The following KRI1 variants were observed in gnomAD, a reference collection of about 807,000 sequenced individuals.
KRI1 encodes the protein KRI1 homolog, also known as protein KRI1 homolog.
Under a neutral mutation model 97.0 loss-of-function variants are expected in KRI1, and 83 were observed. The ratio of observed to expected loss-of-function variants is 0.86; its 90% CI spans 0.72 to 1.03. The LOEUF (loss-of-function observed/expected upper bound fraction) is 1.03, where lower values mean the gene tolerates loss of function less well. KRI1 is among the 50% of genes least tolerant of loss of function. The pLI is 0.00. For missense variants in KRI1, 916 were observed against 928.4 expected (o/e 0.99, Z 0.17); for synonymous variants, 371 against 363.5 (o/e 1.02, Z -0.23).
At chr19:10,564,080 A>C (rs541894993) in intron 3 of KRI1, among the ~76,000 whole-genome samples, 7 of 150,566 alleles carry the variant, frequency 4.6e-5, no homozygotes, top group Non-Finnish European at 1.0e-4. Flanking sequence ...GGGGAGGCGG[A>C]GGTTGCAGTG....
chr19:10,560,466 C>T lies in KRI1; in HGVS notation c.664-18G>A. 6.3e-7 allele frequency: 1 copy of T among 1,586,356 alleles called. No homozygotes were observed. Among genetic ancestry groups the T allele is most frequent in the Non-Finnish European group, 8.6e-7 (1 of 1,161,442 alleles). On this transcript the variant is annotated intron_variant, in intron 8 of 18. Coordinates refer to ENST00000312962, the MANE Select transcript of KRI1 (RefSeq NM_023008.5). ...AGATGCGTCTGGGGGTGACAGGAGA[C>T]AGGACTCTGGTCAATGGAGGACAGG...
At chr19:10,564,587 A>G (rs2144733852) in intron 3 of KRI1, among the ~76,000 whole-genome samples, 1 of 152,258 alleles carries the variant, frequency 6.6e-6, no homozygotes, top group South Asian at 2.1e-4. Context: ...CCACCTGCCC[A>G]GCCTGGTGGA....
intron 2 of KRI1, 141 bp from the exon 3 acceptor site, chr19:10,565,175 G>C: frequency 1.5e-6 from 1 of 673,996 alleles, no homozygotes; most frequent in Non-Finnish European, 2.7e-6. Flanking sequence ...TCAAACAGCA[G>C]GAGGGAGAGG....
rs114626861 is a variant in KRI1 at position 10,557,720 on chromosome 19, G to T, written c.1487-38C>A. ...GAGCCAGGCTGCTGGGCTATGCCAGGCCCCGCGGTGCCCCCTGCCTACCCA... is the reference window on the plus strand; with the variant it reads ...GAGCCAGGCTGCTGGGCTATGCCAGTCCCCGCGGTGCCCCCTGCCTACCCA... On this transcript the variant is annotated intron_variant, in intron 15 of 18. Coordinates refer to ENST00000312962, the MANE Select transcript of KRI1 (RefSeq NM_023008.5). The T allele has an allele frequency of 8.5e-4, 1,369 of 1,614,010 alleles. 10 individuals are homozygous for T. In the African/African-American group the frequency reaches 0.016, roughly 19 times the overall value.
chr19:10,554,474 G>C (rs935869538), intron 18 of KRI1, among the ~76,000 whole-genome samples, 193 bp from the exon 19 acceptor site: 3 of 152,218 alleles, frequency 2.0e-5, no homozygotes, highest in Admixed American at 2.0e-4. Flanking sequence ...CCAAAGACTA[G>C]ATTGTGAGGC....
intron 12 of KRI1, 131 bp from the exon 13 acceptor site, chr19:10,558,370 C>A: frequency 1.3e-6 from 1 of 762,804 alleles, no homozygotes; most frequent in South Asian, 1.6e-5. Context: ...GCCCTCCCAG[C>A]ACCTAGCTCC....
Position 10,565,702 on chromosome 19 carries a change from G to C in KRI1, c.168+15C>G. On this transcript the variant is annotated intron_variant, in intron 2 of 18. Coordinates refer to ENST00000312962, the MANE Select transcript of KRI1 (RefSeq NM_023008.5). Reference sequence around the variant, plus strand: ...GGACGCCTCCGCACGTCCAGGACGGGGCGGGGACGCGCACCACGCGCTCGT... The same window carrying C: ...GGACGCCTCCGCACGTCCAGGACGGCGCGGGGACGCGCACCACGCGCTCGT... The C allele has an allele frequency of 1.3e-6, 2 of 1,560,524 alleles. No homozygotes were observed. Among genetic ancestry groups the C allele is most frequent in the Non-Finnish European group, 8.7e-7 (1 of 1,153,978 alleles).
chr19:10,554,458 C>T (rs746931305), intron 18 of KRI1, among the ~76,000 whole-genome samples, 177 bp from the exon 19 acceptor site: 3 of 152,342 alleles, frequency 2.0e-5, no homozygotes, highest in East Asian at 1.9e-4. Flanking sequence ...CGCTTTTCTA[C>T]GGAACCCAAA....
chr19:10,554,849 C>G (rs1916447433), intron 18 of KRI1, among the ~76,000 whole-genome samples: 1 of 145,684 alleles, frequency 6.9e-6, no homozygotes, highest in Non-Finnish European at 1.5e-5. Flanking sequence ...ATTTCATCCT[C>G]TGCAACTTGA....
At chr19:10,557,926 G>GC (rs759682340) in intron 14 of KRI1, 31 bp from the exon 15 acceptor site, 4 of 1,613,554 alleles carry the variant, frequency 2.5e-6, no homozygotes, top group South Asian at 2.2e-5. Context: ...GATCCCACCA[G>GC]CCCCCCGTCA....
At chr19:10,560,469 G>C in intron 8 of KRI1, 21 bp from the exon 9 acceptor site, 1 of 1,578,042 alleles carries the variant, frequency 6.3e-7, no homozygotes. Context: ...CAGGAGACAG[G>C]ACTCTGGTCA....
chr19:10,555,273 C>T lies in KRI1; in HGVS notation c.1682+12G>A. On this transcript the variant is annotated intron_variant, in intron 17 of 18. Transcript: ENST00000312962. ...CCTGCGCATGTGGCCCCGCCGCGCC[C>T]CGCCCCATCACCTGTACATGCAGGT... The T allele has an allele frequency of 1.2e-6, 2 of 1,613,688 alleles. No individual in the cohort carries two copies. Among genetic ancestry groups the T allele is most frequent in the African/African-American group, 1.3e-5 (1 of 75,064 alleles).
rs755445537 is a variant in KRI1, at chr19:10,557,507, T to C, written c.1617+45A>G. The stretch of plus-strand genomic sequence containing the variant: ...GGGCCAGCTTTCTACCCCTTCGGCA[T>C]ACCTGGTGCCCCCTGCAGTGTCCCT... On this transcript the variant is annotated intron_variant, in intron 16 of 18. Transcript: ENST00000312962. 5.7e-6 allele frequency: 9 copies of C among 1,587,400 alleles called. No individual in the cohort carries two copies. In the South Asian group the frequency reaches 1.0e-4, roughly 18 times the overall value.
Position 10,557,807 on chromosome 19 carries a change from G to A in KRI1, c.1448C>T (p.Ala483Val), listed in dbSNP as rs748782833. Reference sequence around the variant, plus strand: ...GGGCTTCTCCTGCCCCACGGCCGCGGCGAAGGGCGACTTGCGCTTCTTCTT... The same window carrying A: ...GGGCTTCTCCTGCCCCACGGCCGCGACGAAGGGCGACTTGCGCTTCTTCTT... ...TGKKKRKSPF[A>V]AAVGQEKPVF... The change falls in exon 15 of 19, where the codon GCC (alanine) becomes GTC (valine). Residue 483 changes from alanine (A) to valine (V), a missense_variant. By Grantham distance (64) the Ala-to-Val change is moderately conservative (BLOSUM62 0). Coordinates refer to ENST00000312962, the MANE Select transcript of KRI1 (RefSeq NM_023008.5). 1 of 1,613,326 alleles carries A rather than the reference G, an allele frequency of 6.2e-7. No homozygotes were observed. The highest frequency in any genetic ancestry group is 1.1e-5 in the South Asian group (1 of 91,072).
rs776406582 is a variant in KRI1 at position 10,564,954 on chromosome 19, T to G, written c.249A>C (p.Lys83Asn). ...LKKKDPRIYQ[K>N]DATFYNRTAS... ...CTGTTCTGTTATAGAAGGTGGCATC[T>G]TTCTGATAAATGCGGGGGTCCTTCT... The change falls in exon 3 of 19, where the codon AAA (lysine) becomes AAC (asparagine). Residue 83 changes from lysine to asparagine, a missense_variant. Physicochemically the swap from Lys to Asn is moderately conservative, Grantham distance 94. Around this residue, in one of 3 missense-constraint regions of KRI1, gnomAD observed 173 missense variants for 153.1 expected, o/e 1.13. Transcript: ENST00000312962. 2.8e-5 allele frequency: 45 copies of G among 1,613,182 alleles called. No homozygotes were observed. The Middle Eastern group carries it at 8.3e-4, about 30-fold the overall frequency.
intron 2 of KRI1, 90 bp from the exon 3 acceptor site, chr19:10,565,124 A>T (rs1288468395): frequency 7.4e-6 from 6 of 814,096 alleles, no homozygotes; most frequent in Non-Finnish European, 1.3e-5. Flanking sequence ...AGGGATTAGG[A>T]TGGAGGGGGG....
intron 12 of KRI1, among the ~76,000 whole-genome samples, chr19:10,558,716 T>C (rs1297668888): frequency 6.6e-6 from 1 of 151,934 alleles, no homozygotes; most frequent in African/African-American, 2.4e-5. Flanking sequence ...CTAAGATCTT[T>C]TTTTTTTGAG....
Position 10,557,766 on chromosome 19 carries a change from C to T in KRI1, c.1486+3G>A. ...ACCCACGGCCTGCCCACCTGGGCCT[C>T]ACCGGGTTCAAACACGGGCTTCTCC... is the stretch of plus-strand genomic sequence containing the variant. On this transcript the variant is annotated splice_donor_region_variant and intron_variant, in intron 15 of 18. Transcript: ENST00000312962. The T allele has an allele frequency of 6.2e-7, 1 of 1,613,458 alleles. No homozygotes were observed. Among genetic ancestry groups the T allele is most frequent in the Non-Finnish European group, 8.5e-7 (1 of 1,179,744 alleles).
chr19:10,560,980 AGCGACCAT>A lies in KRI1; in HGVS notation c.663+15_663+22del, dbSNP rs1262709301. On this transcript the variant is annotated intron_variant, in intron 8 of 18. Coordinates refer to ENST00000312962, the MANE Select transcript of KRI1 (RefSeq NM_023008.5). Reference sequence around the variant, plus strand: ...CGCGGAACACGCGGTCTACTCCATCAGCGACCATGCGTGAGAACTCACCAGTTCCTTCA... The same window carrying A: ...CGCGGAACACGCGGTCTACTCCATCAGCGTGAGAACTCACCAGTTCCTTCA... 6.3e-7 allele frequency: 1 copy of A among 1,577,762 alleles called. No homozygotes were observed. Among genetic ancestry groups the A allele is most frequent in the Non-Finnish European group, 8.7e-7 (1 of 1,147,200 alleles).
Sources: allele counts gnomAD v4.1 joint callset (sites outside exome capture counted in the v4.1 genomes callset), GRCh38; gene constraint gnomAD v4.1.1; regional missense constraint gnomAD v4.1.1; transcripts MANE v1.5; gene names NCBI Gene and HGNC (gene_info 2026-07-23, HGNC 2026-07-21).